Variants in ATRNL1 observed in about 807,000 individuals in gnomAD.
The protein encoded by ATRNL1 is attractin like 1.
In ATRNL1, 95 loss-of-function variants were observed where a neutral mutation model predicts 182.7. The observed-to-expected ratio is 0.52, with a 90% CI of 0.44 to 0.62. The LOEUF (loss-of-function observed/expected upper bound fraction) is 0.62, where lower values mean the gene tolerates loss of function less well. Ranked by LOEUF, ATRNL1 falls within the 20% of genes least tolerant of loss-of-function variation. The pLI is 0.00. For synonymous variants in ATRNL1, 576 were observed against 568.3 expected, an observed-to-expected ratio of 1.01 and a Z score of -0.19; for missense variants, 1,471 against 1,679.5, an observed-to-expected ratio of 0.88 and a Z score of 2.17.
At chr10:115,753,232 T>G (rs1948496085) in intron 27 of ATRNL1, among the ~76,000 whole-genome samples, 1 of 152,128 alleles carries the variant, frequency 6.6e-6, no homozygotes, top group South Asian at 2.1e-4. Context: ...AGGTGCAGGT[T>G]TGTTACATAG....
chr10:115,127,871 T>A, intron 4 of ATRNL1, 150 bp downstream of exon 4: 1 of 510,376 alleles, frequency 2.0e-6, no homozygotes, highest in Non-Finnish European at 3.3e-6. Flanking sequence ...CCTTCTTAAG[T>A]GACATAAAAT....
chr10:115,688,931 G>T (rs1210376897), intron 26 of ATRNL1, among the ~76,000 whole-genome samples: 1 of 152,044 alleles, frequency 6.6e-6, no homozygotes, highest in Non-Finnish European at 1.5e-5. Context: ...ATAGTTTTGG[G>T]TCTTAATTTA....
intron 8 of ATRNL1, among the ~76,000 whole-genome samples, chr10:115,199,324 T>C (rs1404612708): frequency 6.6e-6 from 1 of 152,018 alleles, no homozygotes; most frequent in African/African-American, 2.4e-5. Context: ...TCCCAGCACT[T>C]TGGAGGCCAA....
chr10:115,349,004 A>G (rs147068059), intron 19 of ATRNL1, among the ~76,000 whole-genome samples: 4,221 of 152,272 alleles, frequency 0.028, 75 homozygotes, highest in African/African-American at 0.061. Flanking sequence ...AATATACAAT[A>G]AATTATTTTA....
intron 5 of ATRNL1, among the ~76,000 whole-genome samples, chr10:115,138,413 C>T (rs1357561068): frequency 2.0e-5 from 3 of 152,230 alleles, no homozygotes; most frequent in Admixed American, 1.3e-4. Context: ...GGGCTCTGCC[C>T]CTGCAGCAGA....
At chr10:115,449,951 A>G (rs1483613638) in intron 21 of ATRNL1, among the ~76,000 whole-genome samples, 2 of 152,180 alleles carry the variant, frequency 1.3e-5, no homozygotes, top group Non-Finnish European at 2.9e-5. Flanking sequence ...ATACACCACA[A>G]TCAAGTAAGT....
intron 27 of ATRNL1, among the ~76,000 whole-genome samples, chr10:115,828,448 C>T (rs1256116501): frequency 6.6e-6 from 1 of 151,224 alleles, no homozygotes; most frequent in African/African-American, 2.5e-5. Context: ...GGAAATAAAG[C>T]AGAGATTCTT....
intron 24 of ATRNL1, among the ~76,000 whole-genome samples, chr10:115,481,479 C>T (rs1848764603): frequency 6.6e-6 from 1 of 150,590 alleles, no homozygotes; most frequent in South Asian, 2.1e-4. Context: ...TGCTGTTATT[C>T]CTAACTTATA....
intron 26 of ATRNL1, among the ~76,000 whole-genome samples, chr10:115,647,079 G>A (rs1353620446): frequency 6.6e-6 from 1 of 151,646 alleles, no homozygotes; most frequent in African/African-American, 2.4e-5. Context: ...GCGATAGTTT[G>A]CTCAGAATGA....
chr10:115,786,129 A>G (rs1338031791), intron 27 of ATRNL1, among the ~76,000 whole-genome samples: 6 of 152,128 alleles, frequency 3.9e-5, no homozygotes, highest in Admixed American at 3.3e-4. Flanking sequence ...TTTAACATTT[A>G]TATTTCTACT....
chr10:115,331,082 C>T (rs534516144), intron 18 of ATRNL1, among the ~76,000 whole-genome samples: 12 of 149,732 alleles, frequency 8.0e-5, no homozygotes, highest in Admixed American at 2.0e-4. Context: ...TTTTTTGAGA[C>T]GGAGTCTTGC....
Position 115,672,339 on chromosome 10 carries a change from C to T in ATRNL1, c.3796-54909C>T, listed in dbSNP as rs78741789. Reference sequence around the variant, plus strand: ...CTGGAATTTCAATTGAGGTTGCCTCCGAAGCCTATTCTTTTTCCAACTTAT... The same window carrying T: ...CTGGAATTTCAATTGAGGTTGCCTCTGAAGCCTATTCTTTTTCCAACTTAT... On this transcript the variant is annotated intron_variant, in intron 26 of 28. Coordinates refer to ENST00000355044, the MANE Select transcript of ATRNL1 (RefSeq NM_207303.4). Among the ~76,000 whole-genome samples, 399 of 152,150 alleles carry T rather than the reference C, an allele frequency of 2.6e-3. 1 individual carries two copies. The highest frequency in any genetic ancestry group is 4.4e-3 in the Non-Finnish European group (296 of 67,974).
intron 17 of ATRNL1, among the ~76,000 whole-genome samples, chr10:115,311,122 G>A (rs1554927661): frequency 6.6e-6 from 1 of 151,626 alleles, no homozygotes; most frequent in Non-Finnish European, 1.5e-5. Context: ...AGTTTTGAAG[G>A]TTCCTTTTGG....
chr10:115,570,990 C>G (rs1326034210), intron 26 of ATRNL1, among the ~76,000 whole-genome samples: 2 of 152,204 alleles, frequency 1.3e-5, no homozygotes, highest in African/African-American at 4.8e-5. Flanking sequence ...GATAGCTTAT[C>G]TCTCCCCAAC....
chr10:115,760,622 G>T lies in ATRNL1; in HGVS notation c.3903+33267G>T, dbSNP rs147296896. ...ATTGAATTGTAAACATCTTTCTTCTGAAACAATACACACACACGTATATAA... is the reference window on the plus strand; with the variant it reads ...ATTGAATTGTAAACATCTTTCTTCTTAAACAATACACACACACGTATATAA... On this transcript the variant is annotated intron_variant, in intron 27 of 28. Coordinates refer to ENST00000355044, the MANE Select transcript of ATRNL1 (RefSeq NM_207303.4). 2.0e-5 allele frequency among the ~76,000 whole-genome samples: 3 copies of T among 152,110 alleles called. No individual in the cohort carries two copies. In the East Asian group the frequency reaches 5.8e-4, roughly 29 times the overall value.
chr10:115,432,608 G>A (rs1350574889), intron 21 of ATRNL1, among the ~76,000 whole-genome samples: 1 of 152,086 alleles, frequency 6.6e-6, no homozygotes, highest in East Asian at 1.9e-4. Flanking sequence ...AAAGTGATAT[G>A]TCAGCAGTTG....
intron 13 of ATRNL1, among the ~76,000 whole-genome samples, chr10:115,276,217 G>A (rs927361551): frequency 6.6e-6 from 1 of 151,808 alleles, no homozygotes; most frequent in African/African-American, 2.4e-5. Context: ...CCATATATGA[G>A]GACTCCACCA....
intron 1 of ATRNL1, among the ~76,000 whole-genome samples, chr10:115,094,487 CTCTT>C (rs2084963213): frequency 1.3e-5 from 2 of 152,234 alleles, no homozygotes; most frequent in African/African-American, 2.4e-5. Context: ...GAGTGCCTCT[CTCTT>C]TCCCCATTCT....
intron 26 of ATRNL1, among the ~76,000 whole-genome samples, chr10:115,726,638 A>G (rs1327867062): frequency 6.6e-6 from 1 of 152,194 alleles, no homozygotes; most frequent in Non-Finnish European, 1.5e-5. Flanking sequence ...CTTGCACACA[A>G]TTTCTGCACC....
Sources: allele counts gnomAD v4.1 joint callset (sites outside exome capture counted in the v4.1 genomes callset), GRCh38; gene constraint gnomAD v4.1.1; transcripts MANE v1.5; gene names NCBI Gene and HGNC (gene_info 2026-07-23, HGNC 2026-07-21).